Variants in NAA60 observed in about 807,000 individuals in gnomAD.
The protein encoded by NAA60 is N-alpha-acetyltransferase 60, NatF catalytic subunit, also known as N-alpha-acetyltransferase 60.
A neutral mutation model predicts 26.1 loss-of-function variants in NAA60; 8 were observed. The observed-to-expected ratio is 0.31, with a 90% CI of 0.18 to 0.55. The LOEUF is 0.55. Ranked by LOEUF, NAA60 falls within the 20% of genes least tolerant of loss-of-function variation. The pLI is 0.93. For missense variants in NAA60, 290 were observed against 311.3 expected (o/e 0.93, Z 0.51); for synonymous variants, 131 against 122.5 (o/e 1.07, Z -0.46).
At chr16:3,478,936 A>T (rs2036653782) in intron 3 of NAA60, among the ~76,000 whole-genome samples, 1 of 152,098 alleles carries the variant, frequency 6.6e-6, no homozygotes, top group South Asian at 2.1e-4. Context: ...TTCATGTCGG[A>T]TAAAATTATT....
rs1482103166 is a variant in NAA60 at position 3,457,924 on chromosome 16, C to T, written c.-7+9384C>T. 4.2e-6 allele frequency: 4 copies of T among 951,246 alleles called. No homozygotes were observed. In the Admixed American group the frequency reaches 1.9e-4, roughly 44 times the overall value. The allele number at this position is 951,246 out of a possible 1,614,324, so 58.9% of individuals were successfully genotyped here. A position where few individuals can be genotyped will look rare whatever the true frequency, so the allele number is the denominator to read the frequency against. ...CGGAGCCTGCCCGCTCCCAACCTGCCCGCTCCCAACATGGCGGCAGCGCCG... is the reference window on the plus strand; with the variant it reads ...CGGAGCCTGCCCGCTCCCAACCTGCTCGCTCCCAACATGGCGGCAGCGCCG... On this transcript the variant is annotated intron_variant, in intron 2 of 7. Coordinates refer to ENST00000407558, the MANE Select transcript of NAA60 (RefSeq NM_001083601.3).
chr16:3,482,692 C>T, intron 5 of NAA60, 94 bp downstream of exon 5: 1 of 907,980 alleles, frequency 1.1e-6, no homozygotes, highest in African/African-American at 1.6e-5. Context: ...TCCCTGGCCC[C>T]AACAACTCTG....
At chr16:3,465,834 G>T (rs2035724528) in intron 2 of NAA60, among the ~76,000 whole-genome samples, 1 of 152,190 alleles carries the variant, frequency 6.6e-6, no homozygotes. Flanking sequence ...CAGAGAATCT[G>T]ACTCTGCTCA....
chr16:3,466,771 T>G (rs1162852538), intron 2 of NAA60, among the ~76,000 whole-genome samples: 1 of 151,872 alleles, frequency 6.6e-6, no homozygotes, highest in Non-Finnish European at 1.5e-5. Context: ...GAGAGGGAGA[T>G]CTACTGAGAT....
intron 2 of NAA60, among the ~76,000 whole-genome samples, chr16:3,457,599 C>G (rs1260719491): frequency 6.6e-6 from 1 of 152,348 alleles, no homozygotes; most frequent in Admixed American, 6.5e-5. Flanking sequence ...GTGCTGCCAG[C>G]TGGCTCCGGG....
rs869108981 is a variant in NAA60, at chr16:3,485,572, AC to A, written c.*313del. Reference sequence around the variant, plus strand: ...GGGCTGACCCAGTGTGGCTGCATTCACTGGGAGGGGCCTGCCCTCACTGGGC... The same window carrying A: ...GGGCTGACCCAGTGTGGCTGCATTCATGGGAGGGGCCTGCCCTCACTGGGC... On this transcript the variant is annotated 3_prime_UTR_variant, in exon 8 of 8. Transcript: ENST00000407558. 2.2e-6 allele frequency: 1 copy of A among 453,886 alleles called. No individual in the cohort carries two copies. The highest frequency in any genetic ancestry group is 3.3e-4 in the Middle Eastern group (1 of 3,060). 28.1% of individuals were successfully genotyped at this position (453,886 alleles called of 1,614,324 possible).
At chr16:3,444,817 G>A (rs2034484317) in intron 1 of NAA60, among the ~76,000 whole-genome samples, 1 of 152,140 alleles carries the variant, frequency 6.6e-6, no homozygotes, top group African/African-American at 2.4e-5. Flanking sequence ...ATTGTGTCAT[G>A]TACCCATCCT....
chr16:3,482,577 G>A lies in NAA60; in HGVS notation c.316G>A (p.Glu106Lys), dbSNP rs1211592208. 7 of 1,607,444 alleles carry A rather than the reference G, an allele frequency of 4.4e-6. No individual in the cohort carries two copies. Among genetic ancestry groups the A allele is most frequent in the Non-Finnish European group, 1.7e-6 (2 of 1,177,076 alleles). Residue 106 changes from glutamate to lysine, a missense_variant, in exon 5 of 8, where the codon GAG becomes AAG. By Grantham distance (56) the Glu-to-Lys change is moderately conservative (BLOSUM62 1). Coordinates refer to ENST00000407558, the MANE Select transcript of NAA60 (RefSeq NM_001083601.3). ...CATCCTAAGTCTGGGCGTCGTGAAA[G>A]AGTTCAGGAAGCACGGCATAGGTAA... ...AYILSLGVVK[E>K]FRKHGIGSLL...
intron 2 of NAA60, chr16:3,458,045 G>C: frequency 2.0e-6 from 2 of 985,252 alleles, no homozygotes; most frequent in Non-Finnish European, 2.4e-6. Flanking sequence ...GCGGGCTGCC[G>C]CCTCCGTCCC....
intron 6 of NAA60, 157 bp downstream of exon 6, chr16:3,483,754 C>G: frequency 1.6e-6 from 1 of 642,956 alleles, no homozygotes; most frequent in Non-Finnish European, 2.7e-6. Flanking sequence ...GTGGGTAAAC[C>G]TGACACACAT....
chr16:3,453,275 G>A (rs1209892925), intron 2 of NAA60, among the ~76,000 whole-genome samples: 2 of 152,102 alleles, frequency 1.3e-5, no homozygotes, highest in Non-Finnish European at 2.9e-5. Context: ...GCATGCACCT[G>A]TAGTCCCATC....
intron 2 of NAA60, among the ~76,000 whole-genome samples, chr16:3,466,675 C>G (rs2035783614): frequency 6.6e-6 from 1 of 152,068 alleles, no homozygotes; most frequent in Non-Finnish European, 1.5e-5. Flanking sequence ...TGCTAATCTC[C>G]CTTGAGCTTC....
intron 2 of NAA60, among the ~76,000 whole-genome samples, chr16:3,459,001 A>G (rs919343100): frequency 6.6e-6 from 1 of 152,152 alleles, no homozygotes; most frequent in Non-Finnish European, 1.5e-5. Context: ...TCTGCAGTAA[A>G]CGTGGACATT....
chr16:3,483,842 C>T (rs958325797), intron 6 of NAA60: 31 of 516,300 alleles, frequency 6.0e-5, no homozygotes, highest in Non-Finnish European at 1.1e-4. Flanking sequence ...ATCCGCCTGC[C>T]GCAGCCTCCC....
intron 2 of NAA60, among the ~76,000 whole-genome samples, chr16:3,461,210 C>T (rs2035371199): frequency 6.6e-6 from 1 of 151,358 alleles, no homozygotes; most frequent in South Asian, 2.1e-4. Flanking sequence ...TAACATTCTG[C>T]TATGAACACT....
intron 1 of NAA60, among the ~76,000 whole-genome samples, chr16:3,446,910 C>T (rs1213072754): frequency 6.6e-6 from 1 of 152,120 alleles, no homozygotes; most frequent in Non-Finnish European, 1.5e-5. Context: ...CGCACCTGGC[C>T]TGCTCACTGC....
rs550272385 is a variant in NAA60 at position 3,485,525 on chromosome 16, C to T, written c.*265C>T. On this transcript the variant is annotated 3_prime_UTR_variant, in exon 8 of 8. Coordinates refer to ENST00000407558, the MANE Select transcript of NAA60 (RefSeq NM_001083601.3). ...TCTGCCTGCTGCCCTGGCCCTGCCC[C>T]CCTGCGCATGCACCGTCCCCAGGGC... is the stretch of plus-strand genomic sequence containing the variant. 2.6e-5 allele frequency: 12 copies of T among 455,618 alleles called. No individual in the cohort carries two copies. Among genetic ancestry groups the T allele is most frequent in the South Asian group, 1.9e-4 (12 of 64,352 alleles). The allele number at this position is 455,618 out of a possible 1,614,324, so 28.2% of individuals were successfully genotyped here.
chr16:3,459,175 A>C (rs533593329), intron 2 of NAA60, among the ~76,000 whole-genome samples: 16 of 152,346 alleles, frequency 1.1e-4, no homozygotes, highest in African/African-American at 3.6e-4. Flanking sequence ...ATTGCCGTGT[A>C]CAGATGTTTG....
chr16:3,443,636 A>G (rs2034431908), upstream of NAA60: 2 of 1,043,620 alleles, frequency 1.9e-6, no homozygotes, highest in Admixed American at 3.2e-5. Context: ...GCCACTGGGC[A>G]GCTGCGAGAG....
Sources: gnomAD v4.1 joint callset for allele counts (sites outside exome capture counted in the v4.1 genomes callset) on GRCh38, gnomAD v4.1.1 for gene constraint, MANE v1.5 for transcripts, NCBI Gene and HGNC (gene_info 2026-07-23, HGNC 2026-07-21) for gene names.